MAPK10: variants seen among roughly 807,000 people sequenced by gnomAD.
MAPK10 encodes mitogen-activated protein kinase 10.
A neutral mutation model predicts 59.3 loss-of-function variants in MAPK10; 25 were observed. That is an observed-to-expected ratio of 0.42 (90% CI 0.31 to 0.59). The LOEUF is 0.59. Ranked by LOEUF, MAPK10 falls within the 20% of genes least tolerant of loss-of-function variation. The pLI is 0.15. For synonymous variants in MAPK10, 190 were observed against 200.5 expected (o/e 0.95, Z 0.44); for missense variants, 351 against 568.9 (o/e 0.62, Z 3.90).
intron 3 of MAPK10, among the ~76,000 whole-genome samples, chr4:86,181,500 C>G (rs757268376): frequency 7.2e-5 from 11 of 152,152 alleles, no homozygotes; most frequent in Non-Finnish European, 1.5e-4. Flanking sequence ...TAGGTAAATA[C>G]TGATTTATGA....
rs59183601 is a variant in MAPK10, at chr4:86,440,627, CAAAAAAAAA to C, written c.-122+12394_-122+12402del. Among the ~76,000 whole-genome samples the C allele has an allele frequency of 9.5e-3, 1,030 of 108,666 alleles. 9 individuals carry two copies. Among genetic ancestry groups the C allele is most frequent in the African/African-American group, 0.034 (937 of 27,164 alleles). 71.3% of individuals were successfully genotyped at this position (108,666 alleles called of 152,430 possible). A position where few individuals can be genotyped will look rare whatever the true frequency, so the allele number is the denominator to read the frequency against. On this transcript the variant is annotated intron_variant, in intron 1 of 13. Coordinates refer to the MAPK10 transcript ENST00000361569. ...TGGGTGACAGAGCGAGATCCTGTCT[CAAAAAAAAA>C]AAAAAAGGAATGTAACTGTCCAATA...
At chr4:86,058,961 G>T (rs1227117830) in intron 11 of MAPK10, among the ~76,000 whole-genome samples, 1 of 152,116 alleles carries the variant, frequency 6.6e-6, no homozygotes, top group Non-Finnish European at 1.5e-5. Context: ...GCTGCTCAAA[G>T]TTGAAAAGTT....
intron 3 of MAPK10, among the ~76,000 whole-genome samples, chr4:86,168,858 A>C (rs1327399535): frequency 6.6e-6 from 1 of 152,072 alleles, no homozygotes; most frequent in African/African-American, 2.4e-5. Flanking sequence ...TACTCCTCTG[A>C]GACAAAACTT....
intron 2 of MAPK10, among the ~76,000 whole-genome samples, chr4:86,339,153 A>G (rs985608364): frequency 1.2e-4 from 18 of 152,170 alleles, no homozygotes; most frequent in African/African-American, 4.1e-4. Flanking sequence ...GGTCATCCCA[A>G]ATATCACCAG....
At chr4:86,288,317 C>G (rs888650967) in intron 2 of MAPK10, among the ~76,000 whole-genome samples, 2 of 143,014 alleles carry the variant, frequency 1.4e-5, no homozygotes, top group African/African-American at 5.2e-5. Flanking sequence ...AAAGCTATCC[C>G]TCCTCCCTCC....
chr4:86,581,679 T>C (rs941378942), intron 1 of MAPK10, among the ~76,000 whole-genome samples: 3 of 73,098 alleles, frequency 4.1e-5, no homozygotes, highest in Admixed American at 1.6e-4. Flanking sequence ...TCAGTTATTG[T>C]GTGTGTGTGT....
At chr4:86,358,960 A>G (rs1735855434) in intron 1 of MAPK10, 1 of 152,150 alleles carries the variant, frequency 6.6e-6, no homozygotes, top group Admixed American at 6.5e-5. Context: ...ATTTGACTGC[A>G]GTGCCAATGT....
intron 1 of MAPK10, among the ~76,000 whole-genome samples, chr4:86,369,807 G>A (rs1193145368): frequency 6.6e-6 from 1 of 152,138 alleles, no homozygotes; most frequent in African/African-American, 2.4e-5. Flanking sequence ...TTGAGATAAT[G>A]CATAAATACT....
intron 2 of MAPK10, among the ~76,000 whole-genome samples, chr4:86,206,279 AG>A (rs1356966072): frequency 1.3e-5 from 2 of 151,190 alleles, no homozygotes; most frequent in East Asian, 3.9e-4. Flanking sequence ...CCCACCTATG[AG>A]TGAGAATATG....
chr4:86,424,441 C>A (rs1746998674), intron 1 of MAPK10, among the ~76,000 whole-genome samples: 1 of 152,118 alleles, frequency 6.6e-6, no homozygotes, highest in African/African-American at 2.4e-5. Context: ...CTGCTCCCCT[C>A]GCCTCCCAAA....
At chr4:86,047,279 C>T (rs2042674133) in intron 11 of MAPK10, among the ~76,000 whole-genome samples, 1 of 152,012 alleles carries the variant, frequency 6.6e-6, no homozygotes, top group South Asian at 2.1e-4. Context: ...TCATAAAAGG[C>T]TTCTTTGAGA....
chr4:86,171,728 G>A (rs575143286), intron 3 of MAPK10, among the ~76,000 whole-genome samples: 12,359 of 151,274 alleles, frequency 0.082, 1,057 homozygotes, highest in African/African-American at 0.22. Context: ...TTGACAAATG[G>A]GATCTAATTA....
At chr4:86,316,773 T>C (rs1425768987) in intron 2 of MAPK10, among the ~76,000 whole-genome samples, 1 of 152,114 alleles carries the variant, frequency 6.6e-6, no homozygotes, top group Non-Finnish European at 1.5e-5. Flanking sequence ...ACAGGTATCG[T>C]AGATGCATGA....
At chr4:86,197,171 T>C (rs942101049) in intron 2 of MAPK10, among the ~76,000 whole-genome samples, 3 of 152,216 alleles carry the variant, frequency 2.0e-5, no homozygotes, top group African/African-American at 7.2e-5. Flanking sequence ...TTTCACAATA[T>C]TGATTCTTCC....
At chr4:86,459,662 G>T (rs1751551375) in intron 1 of MAPK10, among the ~76,000 whole-genome samples, 1 of 152,192 alleles carries the variant, frequency 6.6e-6, no homozygotes, top group Admixed American at 6.5e-5. Context: ...AGTAACTCAG[G>T]AATGGAAAAC....
chr4:86,047,657 C>T (rs921651696), intron 11 of MAPK10, among the ~76,000 whole-genome samples: 15 of 152,104 alleles, frequency 9.9e-5, no homozygotes, highest in African/African-American at 2.7e-4. Flanking sequence ...TGTGCACGCA[C>T]GTGCACTTGT....
At chr4:86,081,214 C>G (rs1463511962) in intron 9 of MAPK10, 1 of 151,886 alleles carries the variant, frequency 6.6e-6, no homozygotes, top group Non-Finnish European at 1.5e-5. Flanking sequence ...AAAGTAGGTC[C>G]TTCTTTCACA....
At chr4:86,287,450 G>A (rs2095055959) in intron 2 of MAPK10, among the ~76,000 whole-genome samples, 1 of 152,026 alleles carries the variant, frequency 6.6e-6, no homozygotes, top group East Asian at 1.9e-4. Context: ...TTTTCTGTAT[G>A]GTGATCTTAA....
At chr4:86,532,624 T>C (rs1757931143) in intron 1 of MAPK10, among the ~76,000 whole-genome samples, 2 of 152,226 alleles carry the variant, frequency 1.3e-5, no homozygotes, top group Non-Finnish European at 2.9e-5. Flanking sequence ...AAAAACTTTC[T>C]TGGATCCACT....
Sources: gnomAD v4.1 joint callset for allele counts (sites outside exome capture counted in the v4.1 genomes callset) on GRCh38, gnomAD v4.1.1 for gene constraint, MANE v1.5 for transcripts, NCBI Gene and HGNC (gene_info 2026-07-23, HGNC 2026-07-21) for gene names.